SLC2A8: variants seen among roughly 807,000 people sequenced by gnomAD.
The protein encoded by SLC2A8 is solute carrier family 2 member 8, also known as solute carrier family 2, facilitated glucose transporter member 8.
In SLC2A8, 53 loss-of-function variants were observed where a neutral mutation model predicts 49.2. The ratio of observed to expected loss-of-function variants is 1.08; its 90% CI spans 0.86 to 1.35. The LOEUF is 1.35. Ranked by LOEUF, SLC2A8 falls within the 40% of genes most tolerant of loss-of-function variation. The pLI is 0.00. For synonymous variants in SLC2A8, 299 were observed against 297.0 expected, an observed-to-expected ratio of 1.01 and a Z score of -0.07; for missense variants, 688 against 671.7, an observed-to-expected ratio of 1.02 and a Z score of -0.27.
In SLC2A8 at chr9:127,407,869, C is replaced by CAAAAAAAAAAAAAAA. The variant is rs150552280; in HGVS notation, c.*629_*630insAAAAAAAAAAAAAAA. ...CTTGTTGAGTTTAAAAAATAAACAG[C>CAAAAAAAAAAAAAAA]AAAAAAAAACAAAACAAAACAAAAA... On this transcript the variant is annotated 3_prime_UTR_variant, in exon 10 of 10. Coordinates refer to ENST00000373371, the MANE Select transcript of SLC2A8 (RefSeq NM_014580.5). 2 of 91,780 alleles carry CAAAAAAAAAAAAAAA rather than the reference C, an allele frequency of 2.2e-5. No individual in the cohort carries two copies. 5.7% of individuals were successfully genotyped at this position (91,780 alleles called of 1,614,324 possible).
rs367972240 is a variant in SLC2A8 at position 127,405,496 on chromosome 9, G to A, written c.1227G>A (p.Ala409=). The change falls in exon 9 of 10, where the codon GCG becomes GCA. Residue 409 remains alanine, a synonymous_variant. Coordinates refer to ENST00000373371, the MANE Select transcript of SLC2A8 (RefSeq NM_014580.5). ...TCCCTCTGCATGTCAAGGGCGTGGC[G>A]ACAGGCATCTGCGTCCTCACCAACT... ...EIFPLHVKGV[A]TGICVLTNWL... The A allele has an allele frequency of 5.8e-5, 94 of 1,613,174 alleles. No homozygotes were observed. The highest frequency in any genetic ancestry group is 8.0e-5 in the African/African-American group (6 of 75,066).
rs1365434326 is a variant in SLC2A8, at chr9:127,404,955, T to A, written c.1114T>A (p.Trp372Arg). 1 of 1,609,622 alleles carries A rather than the reference T, an allele frequency of 6.2e-7. No individual in the cohort carries two copies. The highest frequency in any genetic ancestry group is 1.3e-5 in the African/African-American group (1 of 74,912). The change falls in exon 8 of 10, where the codon TGG becomes AGG. Residue 372 changes from tryptophan (W) to arginine (R), a missense_variant. By Grantham distance (101) the Trp-to-Arg change is moderately radical (BLOSUM62 -3). Transcript: ENST00000373371. The stretch of plus-strand genomic sequence containing the variant: ...TGTTGATGCCAGCGTGGGGCTGGCC[T>A]GGCTGGCCGTGGGCAGCATGTGCCT... ...QPVDASVGLA[W>R]LAVGSMCLFI...
At chr9:127,402,877 C>A in intron 5 of SLC2A8, 124 bp downstream of exon 5, 1 of 1,214,830 alleles carries the variant, frequency 8.2e-7, no homozygotes, top group Non-Finnish European at 1.1e-6. Flanking sequence ...CACCCTCCAC[C>A]CTCAGCGAGG....
In SLC2A8 at chr9:127,405,010, G is replaced by T; in HGVS notation, c.1150+19G>T. 2 of 1,583,988 alleles carry T rather than the reference G, an allele frequency of 1.3e-6. No homozygotes were observed. The highest frequency in any genetic ancestry group is 2.7e-5 in the African/African-American group (2 of 74,680). ...ATCGCCGGTAAGGGGGCCTGTGGGA[G>T]GCTGGGCGAGGAGTGGGAGGTGATC... On this transcript the variant is annotated intron_variant, in intron 8 of 9. Transcript: ENST00000373371.
chr9:127,400,090 A>G, intron 4 of SLC2A8, 84 bp downstream of exon 4: 1 of 1,236,744 alleles, frequency 8.1e-7, no homozygotes, highest in South Asian at 1.3e-5. Flanking sequence ...AGTGAGGTCA[A>G]GGGACTTGTC....
chr9:127,404,159 G>C (rs1238876224), intron 7 of SLC2A8, 92 bp downstream of exon 7: 1 of 863,156 alleles, frequency 1.2e-6, no homozygotes, highest in Non-Finnish European at 1.8e-6. Flanking sequence ...GGGAGCATTT[G>C]TGATGACAAA....
At chr9:127,405,707 G>T in intron 9 of SLC2A8, 142 bp downstream of exon 9, 7 of 1,199,328 alleles carry the variant, frequency 5.8e-6, no homozygotes, top group Non-Finnish European at 8.1e-6. Context: ...GGCCATCTTG[G>T]GCAAGGCGAC....
chr9:127,400,286 T>C (rs889184812), intron 4 of SLC2A8, among the ~76,000 whole-genome samples: 3 of 151,714 alleles, frequency 2.0e-5, no homozygotes, highest in African/African-American at 7.3e-5. Context: ...GCTTCCCAAG[T>C]AGCTGGGACT....
rs1265434080 is a variant in SLC2A8 at position 127,399,098 on chromosome 9, C to T, written c.427-809C>T. 1.3e-5 allele frequency among the ~76,000 whole-genome samples: 2 copies of T among 152,100 alleles called. No individual in the cohort carries two copies. The highest frequency in any genetic ancestry group is 6.5e-5 in the Admixed American group (1 of 15,280). ...AGATGCATGGGTGAGGGCCTGGTGG[C>T]CTGTGGGCCCAGGAGGGAGCTAGTG... On this transcript the variant is annotated intron_variant, in intron 3 of 9. Transcript: ENST00000373371. This position sits in a 1 kb window ranked among gnomAD's most constrained non-coding sequence, Gnocchi z 4.2.
intron 9 of SLC2A8, among the ~76,000 whole-genome samples, chr9:127,406,712 C>T (rs1195068753): frequency 6.6e-6 from 1 of 152,218 alleles, no homozygotes; most frequent in Non-Finnish European, 1.5e-5. Context: ...CACCCATTTC[C>T]ACCACACTAT....
At position 127,402,765 on chromosome 9, in the gene SLC2A8, G is replaced by A; in HGVS notation, c.723+12G>A. 6.5e-7 allele frequency: 1 copy of A among 1,527,256 alleles called. No homozygotes were observed. Among genetic ancestry groups the A allele is most frequent in the Non-Finnish European group, 8.8e-7 (1 of 1,136,468 alleles). The allele number at this position is 1,527,256 out of a possible 1,614,324, so 94.6% of individuals were successfully genotyped here. Reference sequence around the variant, plus strand: ...TCGGGGCTGAGCAGGTGAGAGGCTGGAAGGCAGAGCTGACAGGAGTGGGAC... The same window carrying A: ...TCGGGGCTGAGCAGGTGAGAGGCTGAAAGGCAGAGCTGACAGGAGTGGGAC... On this transcript the variant is annotated intron_variant, in intron 5 of 9. Transcript: ENST00000373371.
intron 4 of SLC2A8, 26 bp from the exon 5 acceptor site, chr9:127,402,531 C>T (rs780466380): frequency 2.0e-6 from 3 of 1,493,496 alleles, no homozygotes; most frequent in Admixed American, 4.4e-5. Context: ...GCTCTGACGC[C>T]AGCCTCCTCC....
At chr9:127,398,413 G>A (rs900233755) in intron 3 of SLC2A8, 2 of 722,618 alleles carry the variant, frequency 2.8e-6, no homozygotes, top group Admixed American at 3.5e-5. Flanking sequence ...GTCCCACTTA[G>A]CCGTGCCCCT....
chr9:127,403,448 C>A, intron 5 of SLC2A8: 1 of 600,866 alleles, frequency 1.7e-6, no homozygotes, highest in Non-Finnish European at 2.9e-6. Context: ...CCCCACCTAT[C>A]AGGAAGTGCC....
chr9:127,404,739 T>A, intron 7 of SLC2A8, 79 bp from the exon 8 acceptor site: 2 of 1,489,796 alleles, frequency 1.3e-6, no homozygotes, highest in Non-Finnish European at 9.1e-7. Context: ...CCTGCCCCTC[T>A]CAGAGGCATC....
intron 8 of SLC2A8, 57 bp downstream of exon 8, chr9:127,405,048 C>A: frequency 6.5e-7 from 1 of 1,545,592 alleles, no homozygotes. Context: ...CCCGGCCCTG[C>A]TGTGGCGGCT....
rs781439186 is a variant in SLC2A8, at chr9:127,399,944, G to A, written c.464G>A (p.Gly155Glu). 1.1e-5 allele frequency: 18 copies of A among 1,613,844 alleles called. No homozygotes were observed. The South Asian group carries it at 1.8e-4, about 16-fold the overall frequency. Residue 155 changes from glycine to glutamate, a missense_variant, in exon 4 of 10, where the codon GGG becomes GAG. Physicochemically the swap from Gly to Glu is moderately conservative, Grantham distance 98. Coordinates refer to ENST00000373371, the MANE Select transcript of SLC2A8 (RefSeq NM_014580.5). This position sits in a 1 kb window ranked among gnomAD's most constrained non-coding sequence, Gnocchi z 4.2. ...GAAATCGCCTACCCAGCAGTCCGGG[G>A]GTTGCTCGGCTCCTGTGTGCAGCTA... The part of the protein sequence containing the change: ...ISEIAYPAVR[G>E]LLGSCVQLMV...
intron 1 of SLC2A8, 39 bp from the exon 2 acceptor site, chr9:127,397,337 C>G: frequency 7.2e-7 from 1 of 1,390,752 alleles, no homozygotes; most frequent in Non-Finnish European, 9.2e-7. Flanking sequence ...TCCCGCCCCT[C>G]CGCGTCCGCT....
In SLC2A8 at chr9:127,397,787, C is replaced by A. The variant is rs1365927418; in HGVS notation, c.220-118C>A. 1.0e-5 allele frequency: 12 copies of A among 1,166,492 alleles called. No individual in the cohort carries two copies. In the East Asian group the frequency reaches 3.1e-4, roughly 30 times the overall value. 72.3% of individuals were successfully genotyped at this position (1,166,492 alleles called of 1,614,324 possible). On this transcript the variant is annotated intron_variant, in intron 2 of 9. Transcript: ENST00000373371. ...CCGGGCCCCTCAGCCCCCTACCCCT[C>A]CCCTCGGGACGGGCGCGGGGCCCCG... is the stretch of plus-strand genomic sequence containing the variant.
Sources: allele counts gnomAD v4.1 joint callset (sites outside exome capture counted in the v4.1 genomes callset), GRCh38; gene constraint gnomAD v4.1.1; non-coding constraint Gnocchi (gnomAD v3.1); transcripts MANE v1.5; gene names NCBI Gene and HGNC (gene_info 2026-07-23, HGNC 2026-07-21).